CEP112: variants seen among roughly 807,000 people sequenced by gnomAD.
The protein encoded by CEP112 is centrosomal protein of 112 kDa.
A neutral mutation model predicts 153.0 loss-of-function variants in CEP112; 127 were observed. The ratio of observed to expected loss-of-function variants is 0.83; its 90% CI spans 0.72 to 0.96. CEP112 has a LOEUF of 0.96. CEP112 is among the 40% of genes least tolerant of loss of function. The pLI is 0.00. For missense variants in CEP112, 1,089 were observed against 1,101.2 expected, an observed-to-expected ratio of 0.99 and a Z score of 0.16; for synonymous variants, 358 against 374.4, an observed-to-expected ratio of 0.96 and a Z score of 0.51.
chr17:65,676,853 G>A (rs926242510), intron 24 of CEP112, among the ~76,000 whole-genome samples: 7 of 152,132 alleles, frequency 4.6e-5, no homozygotes. Context: ...TCTTTCTTCA[G>A]GGCATTCAGG....
rs532015133 is a variant in CEP112 at position 65,699,884 on chromosome 17, T to C, written c.2608-10666A>G. Reference sequence around the variant, plus strand: ...TCCTTCCTCATCAGTGATCTGATTTTGGTTTCTAACCAGTTATGAGACTTG... The same window carrying C: ...TCCTTCCTCATCAGTGATCTGATTTCGGTTTCTAACCAGTTATGAGACTTG... On this transcript the variant is annotated intron_variant, in intron 23 of 26. Transcript: ENST00000535342. Among the ~76,000 whole-genome samples the C allele has an allele frequency of 9.8e-5, 15 of 152,340 alleles. No individual in the cohort carries two copies. In the East Asian group the frequency reaches 1.7e-3, roughly 18 times the overall value.
At chr17:65,649,709 C>A (rs974020315) in intron 24 of CEP112, among the ~76,000 whole-genome samples, 26 of 125,346 alleles carry the variant, frequency 2.1e-4, no homozygotes, top group Non-Finnish European at 3.4e-4. Flanking sequence ...CTGAATAAGA[C>A]CCTGTCTCAA....
intron 17 of CEP112, among the ~76,000 whole-genome samples, chr17:65,966,250 A>G (rs11870139): frequency 0.48 from 73,052 of 152,094 alleles, 18,544 homozygotes; most frequent in East Asian, 0.89. Context: ...AAGCCAGCTC[A>G]GATTAAAGGA....
chr17:65,802,655 T>C (rs1423297112), intron 21 of CEP112, among the ~76,000 whole-genome samples: 1 of 152,174 alleles, frequency 6.6e-6, no homozygotes, highest in African/African-American at 2.4e-5. Context: ...ACATTATACA[T>C]ACCCCATGGA....
At chr17:65,842,300 C>T (rs1219897935) in intron 21 of CEP112, among the ~76,000 whole-genome samples, 1 of 152,100 alleles carries the variant, frequency 6.6e-6, no homozygotes, top group Non-Finnish European at 1.5e-5. Context: ...ATAACCTTAA[C>T]ATAAAATATA....
intron 24 of CEP112, chr17:65,661,931 T>C (rs2046405513): frequency 6.8e-6 from 1 of 146,036 alleles, no homozygotes; most frequent in Admixed American, 6.9e-5. Flanking sequence ...TGAATATATA[T>C]ATGTGTGTGT....
intron 8 of CEP112, among the ~76,000 whole-genome samples, chr17:66,072,813 G>A (rs1315969876): frequency 6.6e-6 from 1 of 152,070 alleles, no homozygotes; most frequent in Non-Finnish European, 1.5e-5. Context: ...TTTCCACCCT[G>A]TACTCTAAAG....
chr17:66,163,052 T>C (rs1302831144), intron 4 of CEP112, among the ~76,000 whole-genome samples: 2 of 152,026 alleles, frequency 1.3e-5, no homozygotes, highest in East Asian at 3.9e-4. Flanking sequence ...AATAGAGAGG[T>C]AAATAACTGA....
At chr17:65,770,926 CT>C (rs1400717327) in intron 21 of CEP112, among the ~76,000 whole-genome samples, 2 of 33,054 alleles carry the variant, frequency 6.1e-5, no homozygotes, top group African/African-American at 3.6e-4. Context: ...AAGACTCCGT[CT>C]TAAAAAAAAA....
chr17:65,641,770 C>T (rs546410965), intron 24 of CEP112, among the ~76,000 whole-genome samples: 1 of 152,224 alleles, frequency 6.6e-6, no homozygotes, highest in East Asian at 1.9e-4. Flanking sequence ...AATCCCTACT[C>T]CTCCAAACTG....
chr17:65,853,655 G>A (rs751380997), intron 20 of CEP112, among the ~76,000 whole-genome samples: 4 of 151,690 alleles, frequency 2.6e-5, no homozygotes, highest in African/African-American at 7.3e-5. Context: ...TTGAACCTGG[G>A]AGGTGGAGGT....
intron 9 of CEP112, among the ~76,000 whole-genome samples, chr17:66,069,582 T>C (rs73351807): frequency 0.014 from 2,184 of 152,146 alleles, 50 homozygotes; most frequent in African/African-American, 0.05. Flanking sequence ...GTATTTACCA[T>C]TGATGTCTTA....
intron 18 of CEP112, among the ~76,000 whole-genome samples, chr17:65,956,720 C>A (rs1282171857): frequency 6.6e-6 from 1 of 151,872 alleles, no homozygotes; most frequent in Non-Finnish European, 1.5e-5. Context: ...TCAGTAATCA[C>A]CACTAAAGAA....
intron 18 of CEP112, among the ~76,000 whole-genome samples, chr17:65,956,769 C>A (rs796842274): frequency 6.6e-6 from 1 of 151,684 alleles, no homozygotes; most frequent in Non-Finnish European, 1.5e-5. Flanking sequence ...GCCCCAAAAA[C>A]CTATTGAAAT....
chr17:65,959,977 T>C (rs561305415), intron 18 of CEP112, among the ~76,000 whole-genome samples: 123 of 151,710 alleles, frequency 8.1e-4, no homozygotes, highest in African/African-American at 2.8e-3. Flanking sequence ...GCCACAGAGG[T>C]TTCTGGCCAA....
In CEP112 at chr17:65,938,116, A is replaced by AC. The variant is rs1443256077; in HGVS notation, c.1873-10428dup. 2.6e-4 allele frequency among the ~76,000 whole-genome samples: 31 copies of AC among 117,342 alleles called. 1 individual carries two copies. The East Asian group carries it at 0.015, about 57-fold the overall frequency. 77.0% of individuals were successfully genotyped at this position (117,342 alleles called of 152,430 possible). A position where few individuals can be genotyped will look rare whatever the true frequency, so the allele number is the denominator to read the frequency against. Reference sequence around the variant, plus strand: ...TGGGATCCTGTTGATCTGTGACCTTACCCCCAACCCTGTGCTCTCTGAAAC... The same window carrying AC: ...TGGGATCCTGTTGATCTGTGACCTTACCCCCCAACCCTGTGCTCTCTGAAAC... On this transcript the variant is annotated intron_variant, in intron 18 of 26. Transcript: ENST00000535342.
chr17:65,740,412 GGT>G (rs1376611000), intron 23 of CEP112, among the ~76,000 whole-genome samples: 1 of 152,134 alleles, frequency 6.6e-6, no homozygotes, highest in Non-Finnish European at 1.5e-5. Flanking sequence ...TCAAAGGCTA[GGT>G]ATATCTCTCA....
intron 4 of CEP112, among the ~76,000 whole-genome samples, chr17:66,149,274 A>C (rs901423415): frequency 1.4e-4 from 21 of 152,208 alleles, no homozygotes; most frequent in African/African-American, 5.1e-4. Context: ...AATATTTGTC[A>C]GGATATTGGC....
intron 21 of CEP112, among the ~76,000 whole-genome samples, chr17:65,827,443 A>T (rs2056886615): frequency 6.6e-6 from 1 of 152,200 alleles, no homozygotes; most frequent in African/African-American, 2.4e-5. Context: ...AGTATATTTT[A>T]AAAATATATC....
Sources: gnomAD v4.1 joint callset for allele counts (sites outside exome capture counted in the v4.1 genomes callset) on GRCh38, gnomAD v4.1.1 for gene constraint, MANE v1.5 for transcripts, NCBI Gene and HGNC (gene_info 2026-07-23, HGNC 2026-07-21) for gene names.